The following SUMF1 variants were observed in gnomAD, a reference collection of about 807,000 sequenced individuals.
The protein encoded by SUMF1 is formylglycine-generating enzyme.
A neutral mutation model predicts 47.6 loss-of-function variants in SUMF1; 48 were observed. That is an observed-to-expected ratio of 1.01 (90% CI 0.80 to 1.28). The LOEUF is 1.28. SUMF1 is among the 50% of genes most tolerant of loss of function. The pLI, the probability that SUMF1 is intolerant of heterozygous loss-of-function variation, is 0.00. For missense variants in SUMF1, 571 were observed against 485.4 expected, an observed-to-expected ratio of 1.18 and a Z score of -1.66; for synonymous variants, 230 against 192.1, an observed-to-expected ratio of 1.20 and a Z score of -1.63.
intron 8 of SUMF1, among the ~76,000 whole-genome samples, chr3:4,115,144 G>A (rs1376945543): frequency 2.0e-5 from 3 of 151,952 alleles, no homozygotes; most frequent in Admixed American, 2.0e-4. Flanking sequence ...GCAGAGGAGC[G>A]GAAGAGGTCA....
chr3:4,305,941 T>G (rs1698170809), intron 8 of SUMF1, among the ~76,000 whole-genome samples: 1 of 152,238 alleles, frequency 6.6e-6, no homozygotes, highest in Non-Finnish European at 1.5e-5. Context: ...AACTTAGGAC[T>G]AAGCATTGCT....
chr3:4,317,467 G>T (rs919295541), intron 8 of SUMF1: 1 of 480,624 alleles, frequency 2.1e-6, no homozygotes, highest in Non-Finnish European at 3.7e-6. Context: ...CAGATCACTT[G>T]AGTCCAATTG....
At chr3:4,267,316 G>T in intron 8 of SUMF1, among the ~76,000 whole-genome samples, 1 of 152,144 alleles carries the variant, frequency 6.6e-6, no homozygotes, top group Non-Finnish European at 1.5e-5. Flanking sequence ...GTTCCTCCCT[G>T]TACCTCTGGT....
At chr3:4,167,425 C>T (rs1194240651) in intron 8 of SUMF1, among the ~76,000 whole-genome samples, 2 of 152,086 alleles carry the variant, frequency 1.3e-5, no homozygotes, top group African/African-American at 2.4e-5. Context: ...CTGATTGGTC[C>T]ATTTTACAGA....
At chr3:4,154,502 C>T (rs953351951) in intron 8 of SUMF1, among the ~76,000 whole-genome samples, 6 of 151,584 alleles carry the variant, frequency 4.0e-5, no homozygotes, top group African/African-American at 1.2e-4. Context: ...CACAAACCTA[C>T]AAGCTGGGGA....
intron 9 of SUMF1, among the ~76,000 whole-genome samples, chr3:4,058,019 T>C (rs1185978789): frequency 1.3e-5 from 2 of 152,166 alleles, no homozygotes; most frequent in Admixed American, 6.6e-5. Flanking sequence ...GTTCTCTCTA[T>C]GCTGGACACT....
intron 8 of SUMF1, among the ~76,000 whole-genome samples, chr3:4,320,360 G>A (rs1301937182): frequency 6.6e-6 from 1 of 152,176 alleles, no homozygotes; most frequent in South Asian, 2.1e-4. Context: ...TCCCATGGGG[G>A]TTATAGGGAA....
At chr3:4,434,135 T>C (rs569158134) in intron 3 of SUMF1, among the ~76,000 whole-genome samples, 1 of 152,340 alleles carries the variant, frequency 6.6e-6, no homozygotes, top group African/African-American at 2.4e-5. Context: ...TGAAGAGTTA[T>C]TGTTTAATGA....
In SUMF1 at chr3:4,234,537, T is replaced by C. The variant is rs187214324; in HGVS notation, c.1014+141793A>G. Among the ~76,000 whole-genome samples, 120 of 152,288 alleles carry C rather than the reference T, an allele frequency of 7.9e-4. 2 individuals carry two copies. The East Asian group carries it at 0.016, about 20-fold the overall frequency. On this transcript the variant is annotated intron_variant and NMD_transcript_variant, in intron 8 of 12. Transcript: ENST00000448413. ...CAACTAACATGTATATGACTGTTTATGTGTATTCATATATATACAGAACTC... is the reference window on the plus strand; with the variant it reads ...CAACTAACATGTATATGACTGTTTACGTGTATTCATATATATACAGAACTC...
intron 8 of SUMF1, among the ~76,000 whole-genome samples, chr3:4,072,936 C>A (rs1692314764): frequency 6.6e-6 from 1 of 152,052 alleles, no homozygotes; most frequent in African/African-American, 2.4e-5. Context: ...GGAGAACTTC[C>A]CCAACATAGC....
At chr3:4,238,702 A>C (rs1696466790) in intron 8 of SUMF1, among the ~76,000 whole-genome samples, 1 of 151,898 alleles carries the variant, frequency 6.6e-6, no homozygotes, top group African/African-American at 2.4e-5. Context: ...AGATTGCAAA[A>C]ATTTTCTCCC....
intron 8 of SUMF1, among the ~76,000 whole-genome samples, chr3:4,242,090 G>A (rs980715591): frequency 6.6e-6 from 1 of 152,164 alleles, no homozygotes; most frequent in Admixed American, 6.5e-5. Context: ...TGTTCTTGGT[G>A]TATAGGAATG....
chr3:4,397,653 G>C (rs148625150), intron 7 of SUMF1, among the ~76,000 whole-genome samples: 1 of 152,068 alleles, frequency 6.6e-6, no homozygotes, highest in Non-Finnish European at 1.5e-5. Flanking sequence ...AATTCTGTAT[G>C]TTCTGCTGCT....
At chr3:4,409,417 C>T (rs369060195) in intron 7 of SUMF1, among the ~76,000 whole-genome samples, 3 of 152,140 alleles carry the variant, frequency 2.0e-5, no homozygotes, top group African/African-American at 2.4e-5. Flanking sequence ...GTGAATTTTT[C>T]TGTAAATCCT....
intron 8 of SUMF1, among the ~76,000 whole-genome samples, chr3:4,166,229 C>A (rs553610796): frequency 2.6e-5 from 4 of 152,130 alleles, no homozygotes; most frequent in Non-Finnish European, 4.4e-5. Flanking sequence ...AGTACTGGGA[C>A]CTTACCTTTC....
At chr3:4,169,154 C>G (rs1471079069) in intron 8 of SUMF1, among the ~76,000 whole-genome samples, 1 of 152,098 alleles carries the variant, frequency 6.6e-6, no homozygotes, top group Non-Finnish European at 1.5e-5. Context: ...ACAGATAATG[C>G]TGGCAAATTC....
At chr3:4,174,580 G>T (rs146304572) in intron 8 of SUMF1, among the ~76,000 whole-genome samples, 3 of 151,882 alleles carry the variant, frequency 2.0e-5, no homozygotes, top group Non-Finnish European at 4.4e-5. Flanking sequence ...CAAGATGGCC[G>T]AATAGGAACA....
chr3:4,122,382 T>TA (rs1693565144), intron 8 of SUMF1, among the ~76,000 whole-genome samples: 1 of 152,114 alleles, frequency 6.6e-6, no homozygotes, highest in Non-Finnish European at 1.5e-5. Context: ...TGGTGGTGGC[T>TA]AGGGTTCAGG....
chr3:4,169,511 A>G (rs1694786486), intron 8 of SUMF1, among the ~76,000 whole-genome samples: 1 of 152,192 alleles, frequency 6.6e-6, no homozygotes, highest in Admixed American at 6.5e-5. Context: ...CCCAGAGAGG[A>G]AAAAAGGATC....
Sources: gnomAD v4.1 joint callset for allele counts (sites outside exome capture counted in the v4.1 genomes callset) on GRCh38, gnomAD v4.1.1 for gene constraint, MANE v1.5 for transcripts, NCBI Gene and HGNC (gene_info 2026-07-23, HGNC 2026-07-21) for gene names.